Variants in PTPRD observed in about 807,000 individuals in gnomAD.
PTPRD encodes the protein receptor-type tyrosine-protein phosphatase delta.
PTPRD carries 34 observed loss-of-function variants against 214.5 expected under a neutral mutation model. That is an observed-to-expected ratio of 0.16 (90% CI 0.12 to 0.21). The LOEUF (loss-of-function observed/expected upper bound fraction) is 0.21. Ranked by LOEUF, PTPRD falls within the 10% of genes least tolerant of loss-of-function variation. The pLI is 1.00. For synonymous variants in PTPRD, 1,128 were observed against 845.7 expected (o/e 1.33, Z -5.79); for missense variants, 2,545 against 2,398.7 (o/e 1.06, Z -1.27).
At chr9:8,772,611 C>T (rs2095281138) in intron 11 of PTPRD, among the ~76,000 whole-genome samples, 1 of 152,018 alleles carries the variant, frequency 6.6e-6, no homozygotes, top group Non-Finnish European at 1.5e-5. Context: ...CCACTGCAAT[C>T]CAGCCTGGGC....
At chr9:8,421,057 C>T (rs1052367563) in intron 35 of PTPRD, among the ~76,000 whole-genome samples, 5 of 152,000 alleles carry the variant, frequency 3.3e-5, no homozygotes, top group Admixed American at 3.3e-4. Context: ...AGTTGCTGTT[C>T]CTCCGTCTCC....
chr9:9,002,241 C>T (rs184753834), intron 11 of PTPRD, among the ~76,000 whole-genome samples: 3 of 151,786 alleles, frequency 2.0e-5, no homozygotes, highest in Non-Finnish European at 4.4e-5. Flanking sequence ...AACTATTTAC[C>T]CAAGATTTTT....
chr9:8,416,355 C>T (rs1318626812), intron 35 of PTPRD, among the ~76,000 whole-genome samples: 4 of 152,132 alleles, frequency 2.6e-5, no homozygotes, highest in African/African-American at 7.2e-5. Flanking sequence ...ATGCTATCAG[C>T]AGTTATCTCT....
intron 12 of PTPRD, among the ~76,000 whole-genome samples, chr9:8,729,783 T>C (rs2098634738): frequency 6.6e-6 from 1 of 152,214 alleles, no homozygotes; most frequent in South Asian, 2.1e-4. Flanking sequence ...GAGCTCACAT[T>C]CTTAACCACT....
At chr9:10,484,512 G>A (rs1011348061) in intron 2 of PTPRD, among the ~76,000 whole-genome samples, 11 of 152,028 alleles carry the variant, frequency 7.2e-5, no homozygotes, top group African/African-American at 1.9e-4. Context: ...ACAAGTGTAC[G>A]AGGGTTCTCT....
intron 3 of PTPRD, among the ~76,000 whole-genome samples, chr9:10,255,974 G>T (rs1359939780): frequency 1.3e-5 from 2 of 152,170 alleles, no homozygotes; most frequent in Admixed American, 1.3e-4. Context: ...AGCAGCAGGT[G>T]AGCGAGCACT....
chr9:9,791,047 G>T (rs913117266), intron 5 of PTPRD, among the ~76,000 whole-genome samples: 1 of 152,082 alleles, frequency 6.6e-6, no homozygotes, highest in East Asian at 1.9e-4. Context: ...GCTTATAGTA[G>T]AATGCATTAA....
intron 9 of PTPRD, among the ~76,000 whole-genome samples, chr9:9,212,621 G>A (rs1217850988): frequency 6.6e-6 from 1 of 152,134 alleles, no homozygotes; most frequent in African/African-American, 2.4e-5. Context: ...ACAGAAGAAG[G>A]AGCAAGAAAC....
intron 2 of PTPRD, among the ~76,000 whole-genome samples, chr9:10,406,156 C>T (rs1021352483): frequency 6.6e-6 from 1 of 151,114 alleles, no homozygotes; most frequent in Non-Finnish European, 1.5e-5. Context: ...AAATATTCCT[C>T]TAGCTGAGAA....
At chr9:9,008,108 G>A (rs1257581738) in intron 11 of PTPRD, among the ~76,000 whole-genome samples, 1 of 148,366 alleles carries the variant, frequency 6.7e-6, no homozygotes, top group East Asian at 2.0e-4. Context: ...GGCTTTTCAT[G>A]TTTTTAACTT....
intron 7 of PTPRD, among the ~76,000 whole-genome samples, chr9:9,616,673 A>G (rs902689909): frequency 6.6e-6 from 1 of 152,172 alleles, no homozygotes; most frequent in Non-Finnish European, 1.5e-5. Context: ...TCATGATCAC[A>G]TAAGAAAACA....
intron 7 of PTPRD, among the ~76,000 whole-genome samples, chr9:9,683,429 C>A (rs891182414): frequency 2.0e-5 from 3 of 151,634 alleles, no homozygotes; most frequent in Non-Finnish European, 2.9e-5. Context: ...GTAAAACAGA[C>A]TAGTGAGGAG....
intron 4 of PTPRD, among the ~76,000 whole-genome samples, chr9:9,995,082 C>T (rs1232088327): frequency 6.6e-6 from 1 of 152,100 alleles, no homozygotes; most frequent in African/African-American, 2.4e-5. Flanking sequence ...TTAATCTAAT[C>T]TCTTTACTAT....
chr9:10,340,089 T>C (rs1175329309), intron 3 of PTPRD, among the ~76,000 whole-genome samples: 3 of 151,856 alleles, frequency 2.0e-5, no homozygotes, highest in African/African-American at 7.2e-5. Context: ...AAAAAAATGC[T>C]AATTACTTGT....
chr9:8,976,010 T>G (rs2099266045), intron 11 of PTPRD, among the ~76,000 whole-genome samples: 1 of 152,034 alleles, frequency 6.6e-6, no homozygotes, highest in South Asian at 2.1e-4. Context: ...GCCATTACTG[T>G]AAAACATCTG....
chr9:8,843,263 G>C (rs995972033), intron 11 of PTPRD, among the ~76,000 whole-genome samples: 1 of 152,176 alleles, frequency 6.6e-6, no homozygotes, highest in Non-Finnish European at 1.5e-5. Context: ...CAAAGAGTTT[G>C]TCTGTCATTA....
chr9:10,499,585 A>T (rs867267974), intron 2 of PTPRD, among the ~76,000 whole-genome samples: 12 of 151,932 alleles, frequency 7.9e-5, no homozygotes, highest in Middle Eastern at 6.3e-3. Context: ...CAAATCCTAT[A>T]TGGCTGCTCT....
chr9:10,167,103 A>T (rs551362380), intron 3 of PTPRD, among the ~76,000 whole-genome samples: 1 of 150,398 alleles, frequency 6.6e-6, no homozygotes, highest in South Asian at 2.1e-4. Context: ...ACAGGTGCTT[A>T]GACTTATAAA....
chr9:8,464,378 T>C (rs2096496043), intron 32 of PTPRD, among the ~76,000 whole-genome samples: 1 of 152,032 alleles, frequency 6.6e-6, no homozygotes, highest in Admixed American at 6.6e-5. Flanking sequence ...TATCTGAACA[T>C]TAAAATTCCA....
Sources: allele counts gnomAD v4.1 joint callset (sites outside exome capture counted in the v4.1 genomes callset), GRCh38; gene constraint gnomAD v4.1.1; transcripts MANE v1.5; gene names NCBI Gene and HGNC (gene_info 2026-07-23, HGNC 2026-07-21).